The following COL13A1 variants were observed in gnomAD, a reference collection of about 807,000 sequenced individuals.
The protein encoded by COL13A1 is collagen alpha-1(XIII) chain.
Under a neutral mutation model 130.9 loss-of-function variants are expected in COL13A1, and 89 were observed. The ratio of observed to expected loss-of-function variants is 0.68; its 90% CI spans 0.57 to 0.81. The LOEUF (loss-of-function observed/expected upper bound fraction) is 0.81, where lower values mean the gene tolerates loss of function less well. Ranked by LOEUF, COL13A1 falls within the 30% of genes least tolerant of loss-of-function variation. The pLI, the probability that COL13A1 is intolerant of heterozygous loss-of-function variation, is 0.00. For missense variants in COL13A1, 879 were observed against 934.6 expected (o/e 0.94, Z 0.78); for synonymous variants, 402 against 341.6 (o/e 1.18, Z -1.95).
At position 69,802,504 on chromosome 10, in the gene COL13A1, T is replaced by A; in HGVS notation, c.81T>A (p.Ala27=). ...PGELGAPGTV[A]LVAARAERGA... is the part of the protein sequence containing the mutation. The stretch of plus-strand genomic sequence containing the variant: ...AGTTGGGCGCGCCCGGGACGGTGGC[T>A]CTGGTGGCGGCGCGGGCGGAGCGCG... Residue 27 remains alanine (A), a synonymous_variant, in exon 1 of 41, where the codon GCT becomes GCA. Transcript: ENST00000645393. 6.5e-7 allele frequency: 1 copy of A among 1,545,744 alleles called. No individual in the cohort carries two copies. The highest frequency in any genetic ancestry group is 8.7e-7 in the Non-Finnish European group (1 of 1,148,718).
At chr10:69,886,352 C>A (rs1340507329) in intron 7 of COL13A1, among the ~76,000 whole-genome samples, 3 of 152,182 alleles carry the variant, frequency 2.0e-5, no homozygotes, top group East Asian at 1.9e-4. Context: ...GGAGGTTAGA[C>A]AACTTGCTGA....
intron 2 of COL13A1, among the ~76,000 whole-genome samples, chr10:69,846,682 T>A (rs1196223625): frequency 6.6e-6 from 1 of 152,116 alleles, no homozygotes; most frequent in Non-Finnish European, 1.5e-5. Context: ...CGTCTTAACC[T>A]TCCTCCCTCC....
At chr10:69,874,128 C>G (rs1028574366) in intron 4 of COL13A1, among the ~76,000 whole-genome samples, 5 of 152,244 alleles carry the variant, frequency 3.3e-5, no homozygotes, top group Non-Finnish European at 7.3e-5. Flanking sequence ...CTCAAAGCCA[C>G]CGTTGGTCTT....
chr10:69,889,641 T>C (rs1388770631), intron 10 of COL13A1, among the ~76,000 whole-genome samples: 1 of 152,210 alleles, frequency 6.6e-6, no homozygotes, highest in African/African-American at 2.4e-5. Context: ...GGCTTCTCCA[T>C]CTGAAGCATG....
chr10:69,927,456 C>A (rs903683649), intron 27 of COL13A1, among the ~76,000 whole-genome samples: 14 of 152,162 alleles, frequency 9.2e-5, no homozygotes, highest in Non-Finnish European at 1.9e-4. Context: ...TAATGTTTCT[C>A]TTTTTTCCCA....
At chr10:69,828,719 G>A (rs1235096716) in intron 2 of COL13A1, among the ~76,000 whole-genome samples, 1 of 152,194 alleles carries the variant, frequency 6.6e-6, no homozygotes, top group Non-Finnish European at 1.5e-5. Context: ...CCTCGGCCAT[G>A]AGTTCTGCTG....
At chr10:69,824,559 G>A (rs192258482) in intron 2 of COL13A1, among the ~76,000 whole-genome samples, 201 of 152,278 alleles carry the variant, frequency 1.3e-3, no homozygotes, top group African/African-American at 4.5e-3. Flanking sequence ...CCTGCCTGCT[G>A]GGAGTCTGTG....
chr10:69,887,548 G>T, intron 8 of COL13A1, 57 bp downstream of exon 8: 1 of 1,581,036 alleles, frequency 6.3e-7, no homozygotes, highest in Non-Finnish European at 8.7e-7. Flanking sequence ...GCCTGATTGG[G>T]TTAAACTTCA....
intron 9 of COL13A1, 110 bp downstream of exon 9, chr10:69,888,440 C>A (rs2060817341): frequency 6.8e-7 from 1 of 1,466,802 alleles, no homozygotes; most frequent in Non-Finnish European, 9.3e-7. Context: ...AAGAAAAGTC[C>A]TGGGGCTGAA....
At chr10:69,947,419 C>G (rs555994424) in intron 38 of COL13A1, 77 bp downstream of exon 38, 1 of 1,371,506 alleles carries the variant, frequency 7.3e-7, no homozygotes, top group Non-Finnish European at 1.0e-6. Context: ...TCGGTGATTC[C>G]TGACCAACAT....
chr10:69,951,198 C>G (rs1040386389), intron 38 of COL13A1, among the ~76,000 whole-genome samples: 9 of 152,090 alleles, frequency 5.9e-5, no homozygotes, highest in Admixed American at 3.9e-4. Flanking sequence ...TACCCTGCAG[C>G]CTTCCACTGC....
intron 38 of COL13A1, among the ~76,000 whole-genome samples, chr10:69,952,185 A>G (rs2069675764): frequency 6.6e-6 from 1 of 152,266 alleles, no homozygotes; most frequent in Non-Finnish European, 1.5e-5. Context: ...CCAGCTGAGC[A>G]CAAGGGGCCA....
intron 21 of COL13A1, among the ~76,000 whole-genome samples, chr10:69,921,253 C>T (rs747809060): frequency 6.6e-6 from 1 of 152,168 alleles, no homozygotes; most frequent in Non-Finnish European, 1.5e-5. Flanking sequence ...TCTCTGCCTC[C>T]ATCTCCATAT....
At chr10:69,866,679 C>A (rs879449056) in intron 2 of COL13A1, among the ~76,000 whole-genome samples, 54 of 152,052 alleles carry the variant, frequency 3.6e-4, no homozygotes, top group Admixed American at 9.8e-4. Flanking sequence ...TGCTTTTAAT[C>A]TAAAACACTG....
intron 15 of COL13A1, 71 bp from the exon 16 acceptor site, chr10:69,904,862 A>G (rs1244542372): frequency 6.6e-7 from 1 of 1,510,564 alleles, no homozygotes; most frequent in Non-Finnish European, 8.9e-7. Context: ...GTCTACTGTA[A>G]GTATGGCTAG....
At chr10:69,823,925 G>A (rs554117392) in intron 2 of COL13A1, among the ~76,000 whole-genome samples, 17 of 152,148 alleles carry the variant, frequency 1.1e-4, no homozygotes, top group Non-Finnish European at 1.8e-4. Context: ...GAGACCGTTC[G>A]CATCAGGGCT....
intron 21 of COL13A1, among the ~76,000 whole-genome samples, chr10:69,920,287 C>T (rs1487136241): frequency 1.3e-5 from 2 of 152,232 alleles, no homozygotes; most frequent in Non-Finnish European, 1.5e-5. Context: ...GCCCAGAGCC[C>T]TCAGCTCACA....
chr10:69,913,535 C>G (rs533424088), intron 17 of COL13A1, among the ~76,000 whole-genome samples: 2 of 152,276 alleles, frequency 1.3e-5, no homozygotes, highest in African/African-American at 4.8e-5. Context: ...AAGACATGCC[C>G]CAAGGAACAG....
chr10:69,866,719 A>G (rs1392784462), intron 2 of COL13A1, among the ~76,000 whole-genome samples: 1 of 152,174 alleles, frequency 6.6e-6, no homozygotes, highest in Non-Finnish European at 1.5e-5. Flanking sequence ...GGCTTGACAG[A>G]GGCCAGCATG....
Sources: allele counts gnomAD v4.1 joint callset (sites outside exome capture counted in the v4.1 genomes callset), GRCh38; gene constraint gnomAD v4.1.1; transcripts MANE v1.5; gene names NCBI Gene and HGNC (gene_info 2026-07-23, HGNC 2026-07-21).